Variants in CEP63 observed in about 807,000 individuals in gnomAD.
CEP63 encodes centrosomal protein 63.
CEP63 carries 84 observed loss-of-function variants against 89.1 expected under a neutral mutation model. The observed-to-expected ratio is 0.94, with a 90% CI of 0.79 to 1.13. CEP63 has a LOEUF of 1.13. Among genes scored for constraint, CEP63 ranks in the 50% most tolerant of loss-of-function variants. The pLI is 0.00. For missense variants in CEP63, 838 were observed against 813.3 expected, an observed-to-expected ratio of 1.03 and a Z score of -0.37; for synonymous variants, 267 against 272.5, an observed-to-expected ratio of 0.98 and a Z score of 0.20.
the CEP63 span, among the ~76,000 whole-genome samples, chr3:134,688,070 C>T: frequency 6.6e-6 from 1 of 152,112 alleles, no homozygotes; most frequent in Non-Finnish European, 1.5e-5. Context: ...GTGTATCTAT[C>T]CAAGAGAAAT....
the CEP63 span, chr3:134,608,520 G>A: frequency 6.3e-7 from 1 of 1,580,724 alleles, no homozygotes; most frequent in Non-Finnish European, 8.6e-7. Context: ...CACAAGCTTT[G>A]TGCTAAGCTC....
chr3:134,678,952 C>T, the CEP63 span, among the ~76,000 whole-genome samples: 1 of 152,120 alleles, frequency 6.6e-6, no homozygotes, highest in Non-Finnish European at 1.5e-5. Flanking sequence ...GAATAGTTCC[C>T]CCAGAGCTCA....
At chr3:134,573,122 G>A (rs952124541) in intron 11 of CEP63, among the ~76,000 whole-genome samples, 3 of 152,100 alleles carry the variant, frequency 2.0e-5, no homozygotes, top group Non-Finnish European at 4.4e-5. Flanking sequence ...CTTTTTGCTT[G>A]TTGAGTTGTT....
chr3:134,780,325 A>T, the CEP63 span, among the ~76,000 whole-genome samples: 1 of 152,222 alleles, frequency 6.6e-6, no homozygotes, highest in Admixed American at 6.5e-5. Flanking sequence ...TCACAATGCT[A>T]TGCAATCATC....
At chr3:134,594,148 C>T in the CEP63 span, among the ~76,000 whole-genome samples, 1 of 152,182 alleles carries the variant, frequency 6.6e-6, no homozygotes, top group Non-Finnish European at 1.5e-5. Flanking sequence ...AATCTGTAAT[C>T]CCACCGTCAT....
At chr3:134,701,909 T>C in the CEP63 span, among the ~76,000 whole-genome samples, 141,054 of 152,168 alleles carry the variant, frequency 0.93, 65,698 homozygotes, top group East Asian at 1. Context: ...AGTGAGACCC[T>C]ACATCCCTCC....
chr3:134,610,980 G>C, the CEP63 span, among the ~76,000 whole-genome samples: 6 of 152,196 alleles, frequency 3.9e-5, no homozygotes, highest in Non-Finnish European at 8.8e-5. Flanking sequence ...GGGGCAGGCG[G>C]TGGATGTCTC....
At chr3:134,767,345 C>A in the CEP63 span, among the ~76,000 whole-genome samples, 6 of 152,182 alleles carry the variant, frequency 3.9e-5, no homozygotes, top group African/African-American at 7.2e-5. Context: ...CCCCCTTCAA[C>A]TAAAAGACTG....
At chr3:134,711,191 C>A in the CEP63 span, among the ~76,000 whole-genome samples, 1 of 152,190 alleles carries the variant, frequency 6.6e-6, no homozygotes, top group Non-Finnish European at 1.5e-5. Flanking sequence ...AAACAGATTA[C>A]TGTTCTACAG....
In CEP63 at chr3:134,559,354, G is replaced by T; in HGVS notation, c.1878G>T (p.Ala626=). 1 of 1,613,922 alleles carries T rather than the reference G, an allele frequency of 6.2e-7. No individual in the cohort carries two copies. The highest frequency in any genetic ancestry group is 8.5e-7 in the Non-Finnish European group (1 of 1,179,828). Residue 626 remains alanine, a synonymous_variant, in exon 14 of 15, where the codon GCG becomes GCT. Transcript: ENST00000675561. Reference sequence around the variant, plus strand: ...GTAAAACTCATTCTTTGCCTTCAGCGCTAGATACAAATGAAGCCAATTTTT... The same window carrying T: ...GTAAAACTCATTCTTTGCCTTCAGCTCTAGATACAAATGAAGCCAATTTTT... ...SLCKTHSLPS[A]LDTNEANFSD... is the part of the protein sequence containing the mutation.
chr3:134,609,192 C>T, the CEP63 span, among the ~76,000 whole-genome samples: 1 of 152,180 alleles, frequency 6.6e-6, no homozygotes, highest in Non-Finnish European at 1.5e-5. Flanking sequence ...GGCAGGGAGA[C>T]AGAGTGCTTG....
rs1957516189 is a variant in CEP63, at chr3:134,563,408, G to T, written c.*1873G>T. The T allele has an allele frequency of 6.6e-6, 1 of 152,014 alleles. No individual in the cohort carries two copies. Among genetic ancestry groups the T allele is most frequent in the Non-Finnish European group, 1.5e-5 (1 of 68,050 alleles). The allele number at this position is 152,014 out of a possible 1,614,324, so 9.4% of individuals were successfully genotyped here. On this transcript the variant is annotated 3_prime_UTR_variant, in exon 15 of 15. Transcript: ENST00000675561. ...ACAGTGTCACCACTGCTTCCCTTCAGACTCTTCCAAGGCTTCTCTTTTTTT... is the reference window on the plus strand; with the variant it reads ...ACAGTGTCACCACTGCTTCCCTTCATACTCTTCCAAGGCTTCTCTTTTTTT...
At chr3:134,763,456 A>G in the CEP63 span, among the ~76,000 whole-genome samples, 1 of 152,190 alleles carries the variant, frequency 6.6e-6, no homozygotes, top group African/African-American at 2.4e-5. Flanking sequence ...AGCACTATAT[A>G]ATCTAAGAGG....
chr3:134,496,861 A>G (rs1940251293), intron 2 of CEP63, among the ~76,000 whole-genome samples: 1 of 152,364 alleles, frequency 6.6e-6, no homozygotes, highest in Non-Finnish European at 1.5e-5. Flanking sequence ...TTAGTTTTCC[A>G]TAATGGCTGT....
chr3:134,723,498 T>C, the CEP63 span, among the ~76,000 whole-genome samples: 2 of 152,160 alleles, frequency 1.3e-5, no homozygotes, highest in Admixed American at 6.5e-5. Flanking sequence ...TGAAAGTAAA[T>C]TGTAATTGTT....
At chr3:134,538,198 GTTTTT>G (rs66539157) in intron 6 of CEP63, among the ~76,000 whole-genome samples, 4 of 112,612 alleles carry the variant, frequency 3.6e-5, no homozygotes, top group Admixed American at 1.8e-4. Flanking sequence ...AGAAGGGAGG[GTTTTT>G]TTTTTTTTTT....
exon 12 of CEP63, chr3:134,574,883 C>A: frequency 3.8e-6 from 2 of 530,342 alleles, no homozygotes; most frequent in South Asian, 2.7e-5. Context: ...GCTGGAATTA[C>A]AAGTGTGAGC....
intron 6 of CEP63, among the ~76,000 whole-genome samples, chr3:134,538,482 G>C (rs2109281256): frequency 7.5e-6 from 1 of 134,124 alleles, no homozygotes; most frequent in Non-Finnish European, 1.6e-5. Context: ...CAGTTTTTTT[G>C]ACTTGAATGC....
the CEP63 span, among the ~76,000 whole-genome samples, chr3:134,715,315 C>T: frequency 6.6e-6 from 1 of 152,126 alleles, no homozygotes; most frequent in African/African-American, 2.4e-5. Flanking sequence ...GATGAAGCAT[C>T]ACAGCTCTCT....
Sources: gnomAD v4.1 joint callset for allele counts (sites outside exome capture counted in the v4.1 genomes callset) on GRCh38, gnomAD v4.1.1 for gene constraint, MANE v1.5 for transcripts, NCBI Gene and HGNC (gene_info 2026-07-23, HGNC 2026-07-21) for gene names.